CNTN1: variants seen among roughly 807,000 people sequenced by gnomAD.
CNTN1 encodes the protein contactin-1.
CNTN1 carries 38 observed loss-of-function variants against 126.4 expected under a neutral mutation model. The observed-to-expected ratio is 0.30, with a 90% CI of 0.23 to 0.39. CNTN1 has a LOEUF of 0.39. CNTN1 is among the 10% of genes least tolerant of loss of function. The pLI, the probability that CNTN1 is intolerant of heterozygous loss-of-function variation, is 1.00. For synonymous variants in CNTN1, 413 were observed against 422.6 expected (o/e 0.98, Z 0.28); for missense variants, 1,009 against 1,248.4 (o/e 0.81, Z 2.89).
intron 1 of CNTN1, among the ~76,000 whole-genome samples, chr12:40,800,088 C>G (rs1472040876): frequency 6.6e-6 from 1 of 151,912 alleles, no homozygotes; most frequent in African/African-American, 2.4e-5. Context: ...GAATTGTAAT[C>G]CTTTTTATCC....
intron 23 of CNTN1, among the ~76,000 whole-genome samples, chr12:41,062,112 G>A (rs944838354): frequency 1.3e-5 from 2 of 152,026 alleles, no homozygotes; most frequent in African/African-American, 4.8e-5. Flanking sequence ...TTCTCTTTGG[G>A]TCTCTTCTTT....
At chr12:40,802,186 GA>G (rs1940683010) in intron 1 of CNTN1, among the ~76,000 whole-genome samples, 1 of 151,912 alleles carries the variant, frequency 6.6e-6, no homozygotes, top group African/African-American at 2.4e-5. Flanking sequence ...GTTAGGAAAA[GA>G]TATCTTGGTT....
At chr12:40,752,496 T>A (rs1382799119) in intron 1 of CNTN1, among the ~76,000 whole-genome samples, 3 of 152,064 alleles carry the variant, frequency 2.0e-5, no homozygotes, top group African/African-American at 7.2e-5. Context: ...TGTCTGTTTT[T>A]AAAAAATATC....
intron 1 of CNTN1, among the ~76,000 whole-genome samples, chr12:40,820,775 A>G (rs1941418684): frequency 6.6e-6 from 1 of 152,184 alleles, no homozygotes; most frequent in Non-Finnish European, 1.5e-5. Flanking sequence ...CATGGCTAAT[A>G]CTGATAGCCC....
At chr12:40,718,425 C>T (rs1175170044) in intron 1 of CNTN1, among the ~76,000 whole-genome samples, 11 of 152,124 alleles carry the variant, frequency 7.2e-5, no homozygotes, top group Admixed American at 2.6e-4. Context: ...ATAATCCGCC[C>T]GCCTGGGCCT....
At chr12:41,007,716 C>A (rs1478395912) in intron 17 of CNTN1, among the ~76,000 whole-genome samples, 4 of 152,200 alleles carry the variant, frequency 2.6e-5, no homozygotes, top group Admixed American at 6.5e-5. Context: ...TTGTCCCACT[C>A]TAATGTTAGC....
At chr12:40,916,048 G>C (rs914498174) in intron 3 of CNTN1, among the ~76,000 whole-genome samples, 2 of 151,958 alleles carry the variant, frequency 1.3e-5, no homozygotes, top group African/African-American at 2.4e-5. Flanking sequence ...CATAAATATC[G>C]AAGTACTTAG....
intron 1 of CNTN1, among the ~76,000 whole-genome samples, chr12:40,892,849 CTCAG>C (rs1041789320): frequency 1.3e-5 from 2 of 150,814 alleles, no homozygotes; most frequent in African/African-American, 4.9e-5. Context: ...TGCTGGAGTG[CTCAG>C]TCAGAGAGAT....
intron 1 of CNTN1, among the ~76,000 whole-genome samples, chr12:40,722,021 T>C (rs1201217745): frequency 6.6e-6 from 1 of 152,006 alleles, no homozygotes; most frequent in Non-Finnish European, 1.5e-5. Flanking sequence ...TACGTGTGCA[T>C]GTGTCTTTAT....
In CNTN1 at chr12:41,063,991, C is replaced by G. The variant is rs1013151593; in HGVS notation, c.2981-5968C>G. 2.6e-5 allele frequency among the ~76,000 whole-genome samples: 4 copies of G among 152,048 alleles called. No individual in the cohort carries two copies. The South Asian group carries it at 8.3e-4, about 32-fold the overall frequency. ...GGAGTTGAGACCATCCTGGCTAGCA[C>G]AGTGAAACCCCATCTCTACTAAAAA... On this transcript the variant is annotated intron_variant, in intron 23 of 23. Transcript: ENST00000551295.
intron 1 of CNTN1, among the ~76,000 whole-genome samples, chr12:40,853,580 C>A (rs1358954695): frequency 6.6e-6 from 1 of 152,190 alleles, no homozygotes; most frequent in East Asian, 1.9e-4. Context: ...TTATTCAACA[C>A]CCACTATCTG....
chr12:40,844,661 T>C (rs1942435486), intron 1 of CNTN1, among the ~76,000 whole-genome samples: 1 of 152,232 alleles, frequency 6.6e-6, no homozygotes, highest in African/African-American at 2.4e-5. Context: ...ACTAACCCTT[T>C]AGTTTTTACA....
intron 1 of CNTN1, chr12:40,742,399 T>C (rs1347745849): frequency 1.3e-5 from 2 of 152,128 alleles, no homozygotes; most frequent in Non-Finnish European, 2.9e-5. Context: ...TGGTTTGTCT[T>C]TTTTTGCAGA....
chr12:40,930,956 C>G (rs1425743536), intron 7 of CNTN1, among the ~76,000 whole-genome samples: 1 of 151,930 alleles, frequency 6.6e-6, no homozygotes, highest in Admixed American at 6.6e-5. Flanking sequence ...TCTTGATTTT[C>G]TTTCTACTCT....
chr12:40,731,743 T>A (rs1000533483), intron 1 of CNTN1, among the ~76,000 whole-genome samples: 2 of 151,966 alleles, frequency 1.3e-5, no homozygotes, highest in African/African-American at 4.8e-5. Flanking sequence ...TTGAACTGTA[T>A]CAAATTGCCA....
chr12:40,976,819 G>A (rs1252732184), intron 15 of CNTN1, among the ~76,000 whole-genome samples: 1 of 152,134 alleles, frequency 6.6e-6, no homozygotes, highest in African/African-American at 2.4e-5. Flanking sequence ...GTCCACGTTT[G>A]TCTCCGTGCT....
At chr12:40,975,107 C>G (rs774563590) in intron 15 of CNTN1, among the ~76,000 whole-genome samples, 1 of 149,720 alleles carries the variant, frequency 6.7e-6, no homozygotes, top group East Asian at 2.0e-4. Flanking sequence ...CATCTCTGTA[C>G]TCTGTCACTG....
intron 1 of CNTN1, among the ~76,000 whole-genome samples, chr12:40,877,491 C>A (rs2136686986): frequency 6.6e-6 from 1 of 152,260 alleles, no homozygotes; most frequent in South Asian, 2.1e-4. Context: ...AGAGAACTCT[C>A]TGGGAGAGTG....
At chr12:40,822,148 CTTTTTT>C (rs777953120) in intron 1 of CNTN1, among the ~76,000 whole-genome samples, 11 of 47,258 alleles carry the variant, frequency 2.3e-4, no homozygotes, top group Admixed American at 5.9e-4. Context: ...AAATATAAAT[CTTTTTT>C]TTTTTTTTTT....
Sources: gnomAD v4.1 joint callset for allele counts (sites outside exome capture counted in the v4.1 genomes callset) on GRCh38, gnomAD v4.1.1 for gene constraint, MANE v1.5 for transcripts, NCBI Gene and HGNC (gene_info 2026-07-23, HGNC 2026-07-21) for gene names.